DIDO1: variants seen among roughly 807,000 people sequenced by gnomAD.
DIDO1 encodes the protein death-inducer obliterator 1.
In DIDO1, 16 loss-of-function variants were observed where a neutral mutation model predicts 99.4. The ratio of observed to expected loss-of-function variants is 0.16; its 90% CI spans 0.11 to 0.24. The LOEUF (loss-of-function observed/expected upper bound fraction) is 0.24, where lower values mean the gene tolerates loss of function less well. DIDO1 is among the 10% of genes least tolerant of loss of function. The probability of loss-of-function intolerance (pLI) is 1.00; values close to 1 mark genes in which losing one functional copy is unlikely to be tolerated. For missense variants in DIDO1, 2,996 were observed against 3,014.0 expected (o/e 0.99, Z 0.14); for synonymous variants, 1,366 against 1,239.1 (o/e 1.10, Z -2.15).
intron 6 of DIDO1, chr20:62,905,254 T>C (rs887924072): frequency 7.5e-7 from 1 of 1,332,910 alleles, no homozygotes; most frequent in Non-Finnish European, 9.6e-7. Flanking sequence ...TGAACTCACT[T>C]ACCGTGGGGC....
intron 2 of DIDO1, among the ~76,000 whole-genome samples, chr20:62,912,649 A>C (rs1221602156): frequency 6.6e-6 from 1 of 152,234 alleles, no homozygotes; most frequent in African/African-American, 2.4e-5. Context: ...TCCAAGCTTT[A>C]ATTACATTTC....
At chr20:62,929,332 AGGGGCACGGGGAGGGGCGAGGGC>A (rs2065299681), upstream of DIDO1, 1 of 123,428 alleles carries the variant, frequency 8.1e-6, no homozygotes. Flanking sequence ...GCAGCGGGGG[AGGGGCACGGGGAGGGGCGAGGGC>A]GGGGCGCGCC....
chr20:62,931,724 G>A (rs530727822), intron 1 of DIDO1, among the ~76,000 whole-genome samples: 228 of 152,316 alleles, frequency 1.5e-3, no homozygotes, highest in African/African-American at 5.0e-3. Context: ...AATGGGCCCC[G>A]GCCCCATTCT....
At chr20:62,918,060 C>T (rs753310216) in intron 1 of DIDO1, among the ~76,000 whole-genome samples, 1 of 152,218 alleles carries the variant, frequency 6.6e-6, no homozygotes, top group Non-Finnish European at 1.5e-5. Flanking sequence ...TAAACATTTC[C>T]TTCCACAAGG....
intron 1 of DIDO1, among the ~76,000 whole-genome samples, chr20:62,921,942 AC>A: frequency 6.6e-6 from 1 of 150,642 alleles, no homozygotes; most frequent in Non-Finnish European, 1.5e-5. Flanking sequence ...AAATATATAT[AC>A]ACTATATATG....
At chr20:62,922,425 T>C (rs1434659041) in intron 1 of DIDO1, among the ~76,000 whole-genome samples, 1 of 151,968 alleles carries the variant, frequency 6.6e-6, no homozygotes, top group Non-Finnish European at 1.5e-5. Flanking sequence ...AAGCCCTCAG[T>C]TAAGCAGATG....
rs373989151 is a variant in DIDO1 at position 62,892,083 on chromosome 20, A to C, written c.3256-7T>G. Reference sequence around the variant, plus strand: ...GAATTGTGTCAGGCAAATCCTAAACAGAAAGTACTTTGCGTAAATCACTTT... The same window carrying C: ...GAATTGTGTCAGGCAAATCCTAAACCGAAAGTACTTTGCGTAAATCACTTT... On this transcript the variant is annotated splice_region_variant and splice_polypyrimidine_tract_variant and intron_variant, in intron 13 of 15. Transcript: ENST00000395343. 1.2e-6 allele frequency: 2 copies of C among 1,609,360 alleles called. No individual in the cohort carries two copies. Among genetic ancestry groups the C allele is most frequent in the African/African-American group, 2.7e-5 (2 of 74,712 alleles).
At position 62,896,095 on chromosome 20, in the gene DIDO1, G is replaced by A. The variant is rs531480450; in HGVS notation, c.2214+138C>T. On this transcript the variant is annotated intron_variant, in intron 8 of 15. Transcript: ENST00000395343. This position sits in a 1 kb window ranked among gnomAD's most constrained non-coding sequence, Gnocchi z 4.4. ...AACGCCAGTGCAACAATACGTGGGC[G>A]GCAGAAGGATCACAGAGGAGAAAGA... The A allele has an allele frequency of 5.5e-5, 52 of 947,426 alleles. 1 individual carries two copies. Among genetic ancestry groups the A allele is most frequent in the Admixed American group, 4.3e-4 (17 of 39,854 alleles). 58.7% of individuals were successfully genotyped at this position (947,426 alleles called of 1,614,324 possible).
chr20:62,896,024 G>A lies in DIDO1; in HGVS notation c.2214+209C>T, dbSNP rs114066218. Among the ~76,000 whole-genome samples the A allele has an allele frequency of 4.1e-3, 617 of 152,286 alleles. 2 individuals carry two copies. The highest frequency in any genetic ancestry group is 0.014 in the African/African-American group (579 of 41,548). On this transcript the variant is annotated intron_variant, in intron 8 of 15. Coordinates refer to ENST00000395343, the MANE Select transcript of DIDO1 (RefSeq NM_001193369.2). The surrounding 1 kb of genome is among the most constrained non-coding windows in gnomAD (Gnocchi z 4.4). ...ACTTCAGGGAAGCCAGGAAGCGGAC[G>A]CGACCCTAGTTAAGGCAGGGAAGGG...
chr20:62,880,054 C>T lies in DIDO1; in HGVS notation c.5902G>A (p.Glu1968Lys), dbSNP rs759062360. ...GPRGIQPQQF[E>K]DQRVHSPPRF... Reference sequence around the variant, plus strand: ...GGTGGTGAATGGACCCTCTGGTCTTCGAACTGCTGAGGCTGAATGCCCCTG... The same window carrying T: ...GGTGGTGAATGGACCCTCTGGTCTTTGAACTGCTGAGGCTGAATGCCCCTG... The change falls in exon 16 of 16, where the codon GAA becomes AAA. Residue 1968 changes from glutamate to lysine, a missense_variant. By Grantham distance (56) the Glu-to-Lys change is moderately conservative. Around this residue, in one of 5 missense-constraint regions of DIDO1, gnomAD observed 1,562 missense variants for 1,412.6 expected, o/e 1.11. Coordinates refer to ENST00000395343, the MANE Select transcript of DIDO1 (RefSeq NM_001193369.2). 3.1e-6 allele frequency: 5 copies of T among 1,611,240 alleles called. No homozygotes were observed. The Admixed American group carries it at 5.0e-5, about 16-fold the overall frequency.
chr20:62,909,873 A>G lies in DIDO1; in HGVS notation c.987T>C (p.His329=), dbSNP rs1568868084. The change falls in exon 4 of 16, where the codon CAT becomes CAC. Residue 329 remains histidine, a synonymous_variant. Transcript: ENST00000395343. ...CTTCCTGCTGATCTGCCGTTTCTGA[A>G]TGAGTCTCATCCTGCACTTGCAGAA... The part of the protein sequence containing the change: ...CTILQVQDET[H]SETADQQEAK... 1 of 1,614,172 alleles carries G rather than the reference A, an allele frequency of 6.2e-7. No individual in the cohort carries two copies. The highest frequency in any genetic ancestry group is 2.2e-5 in the East Asian group (1 of 44,874).
intron 6 of DIDO1, among the ~76,000 whole-genome samples, chr20:62,902,136 CA>C (rs778389734): frequency 5.9e-4 from 90 of 152,326 alleles, no homozygotes; most frequent in African/African-American, 1.4e-3. Flanking sequence ...GAGGGATGGA[CA>C]GGGGCACCAC....
chr20:62,934,144 C>A (rs1482844664), intron 1 of DIDO1, among the ~76,000 whole-genome samples: 2 of 152,206 alleles, frequency 1.3e-5, no homozygotes, highest in Non-Finnish European at 2.9e-5. Context: ...TGTGGCCCTG[C>A]ACCCTCTCCT....
At chr20:62,932,005 G>A (rs1466731064) in intron 1 of DIDO1, among the ~76,000 whole-genome samples, 2 of 152,090 alleles carry the variant, frequency 1.3e-5, no homozygotes, top group Admixed American at 6.5e-5. Context: ...CAAAGACTGA[G>A]GTATTAGCAG....
chr20:62,918,124 T>A (rs1280679630), intron 1 of DIDO1, among the ~76,000 whole-genome samples: 1 of 152,230 alleles, frequency 6.6e-6, no homozygotes, highest in Non-Finnish European at 1.5e-5. Context: ...ACCAAAACAG[T>A]AAGCAGCCAA....
chr20:62,897,108 G>T, intron 6 of DIDO1, 112 bp from the exon 7 acceptor site: 3 of 950,322 alleles, frequency 3.2e-6, no homozygotes, highest in Non-Finnish European at 4.7e-6. Flanking sequence ...TGGCATTACT[G>T]AATAGGATAC....
chr20:62,907,432 A>C, intron 4 of DIDO1, 73 bp from the exon 5 acceptor site: 2 of 1,435,050 alleles, frequency 1.4e-6, no homozygotes, highest in Non-Finnish European at 1.9e-6. Context: ...GTTTTGTAAA[A>C]TCACCATTTA....
At position 62,915,841 on chromosome 20, in the gene DIDO1, G is replaced by A. The variant is rs115312815; in HGVS notation, c.-199-1435C>T. ...AAGAAATTAAGAAGTTCTCGGGAAC[G>A]AAAACTGATTTTTAAAAATTCAATT... On this transcript the variant is annotated intron_variant, in intron 1 of 15. Coordinates refer to ENST00000395343, the MANE Select transcript of DIDO1 (RefSeq NM_001193369.2). Among the ~76,000 whole-genome samples the A allele has an allele frequency of 7.8e-3, 1,193 of 152,154 alleles. 23 individuals are homozygous for A. Among genetic ancestry groups the A allele is most frequent in the African/African-American group, 0.028 (1,156 of 41,480 alleles).
In DIDO1 at chr20:62,896,834, T is replaced by G; in HGVS notation, c.1751A>C (p.Lys584Thr). The change falls in exon 7 of 16, where the codon AAA becomes ACA. Residue 584 changes from lysine to threonine, a missense_variant. Lys to Thr is a moderately conservative substitution (Grantham distance 78). Transcript: ENST00000395343. The surrounding 1 kb of genome is among the most constrained non-coding windows in gnomAD (Gnocchi z 4.4). ...GCCCTTGAAACCTGAGGGTGGCTTT[T>G]TAATGGCTGGTGTGGCTGCTGCCAC... ...ANVAAATPAIKKPPSGFKGTI... is the reference protein window; with the variant it reads ...ANVAAATPAITKPPSGFKGTI... 6.2e-7 allele frequency: 1 copy of G among 1,614,198 alleles called. No individual in the cohort carries two copies. The highest frequency in any genetic ancestry group is 8.5e-7 in the Non-Finnish European group (1 of 1,180,036).
Sources: gnomAD v4.1 joint callset for allele counts (sites outside exome capture counted in the v4.1 genomes callset) on GRCh38, gnomAD v4.1.1 for gene constraint, gnomAD v4.1.1 regional missense constraint, Gnocchi (gnomAD v3.1) non-coding constraint, MANE v1.5 for transcripts, NCBI Gene and HGNC (gene_info 2026-07-23, HGNC 2026-07-21) for gene names.